CFAP54: variants seen among roughly 807,000 people sequenced by gnomAD.
The protein encoded by CFAP54 is cilia- and flagella-associated protein 54.
Under a neutral mutation model 370.4 loss-of-function variants are expected in CFAP54, and 290 were observed. That is an observed-to-expected ratio of 0.78 (90% confidence interval 0.71 to 0.86). CFAP54 has a LOEUF of 0.86. Among genes scored for constraint, CFAP54 ranks in the 40% least tolerant of loss-of-function variants. The pLI, the probability that CFAP54 is intolerant of heterozygous loss-of-function variation, is 0.00. For missense variants in CFAP54, 3,399 were observed against 3,528.7 expected, an observed-to-expected ratio of 0.96 and a Z score of 0.93; for synonymous variants, 1,206 against 1,236.5, an observed-to-expected ratio of 0.98 and a Z score of 0.52.
At chr12:96,811,013 C>T (rs1011722649) in intron 63 of CFAP54, among the ~76,000 whole-genome samples, 9 of 152,108 alleles carry the variant, frequency 5.9e-5, no homozygotes, top group Admixed American at 3.9e-4. Flanking sequence ...GGCCTTCTAA[C>T]GTCCTTTGTT....
rs1427931920 is a variant in CFAP54, at chr12:96,826,776, T to G, written c.9097-2238T>G. Reference sequence around the variant, plus strand: ...TAATACATATTAATATATTATATAATATATAATTATAAATAATATATAATT... The same window carrying G: ...TAATACATATTAATATATTATATAAGATATAATTATAAATAATATATAATT... On this transcript the variant is annotated intron_variant, in intron 65 of 67. Coordinates refer to ENST00000524981, the MANE Select transcript of CFAP54 (RefSeq NM_001306084.2). Among the ~76,000 whole-genome samples the G allele has an allele frequency of 5.4e-5, 6 of 112,018 alleles. No homozygotes were observed. The East Asian group carries it at 1.4e-3, about 26-fold the overall frequency. The allele number at this position is 112,018 out of a possible 152,430, so 73.5% of individuals were successfully genotyped here.
At chr12:96,729,386 G>A (rs922348392) in intron 50 of CFAP54, among the ~76,000 whole-genome samples, 5 of 152,234 alleles carry the variant, frequency 3.3e-5, no homozygotes, top group African/African-American at 7.2e-5. Context: ...GGGCAATGGC[G>A]GGCGCCCCTC....
intron 17 of CFAP54, among the ~76,000 whole-genome samples, chr12:96,564,041 G>A (rs1955840368): frequency 6.6e-6 from 1 of 152,140 alleles, no homozygotes; most frequent in Non-Finnish European, 1.5e-5. Context: ...GTCTTCGTGT[G>A]TTACCCAGAG....
At chr12:96,590,183 CAGGGAAAGG>C (rs1956111657) in intron 23 of CFAP54, among the ~76,000 whole-genome samples, 1 of 152,062 alleles carries the variant, frequency 6.6e-6, no homozygotes, top group Admixed American at 6.5e-5. Flanking sequence ...ACTTTTATAC[CAGGGAAAGG>C]TCAAATTGGG....
At chr12:96,610,807 G>A (rs1956349974) in intron 26 of CFAP54, among the ~76,000 whole-genome samples, 1 of 152,228 alleles carries the variant, frequency 6.6e-6, no homozygotes, top group Non-Finnish European at 1.5e-5. Flanking sequence ...AGCAGTCTGA[G>A]ACCGAGCTGC....
intron 62 of CFAP54, among the ~76,000 whole-genome samples, chr12:96,789,806 T>C (rs1417363183): frequency 6.6e-6 from 1 of 152,202 alleles, no homozygotes; most frequent in African/African-American, 2.4e-5. Context: ...CTGGAGATCA[T>C]TGTCTCTTGC....
rs1454073336 is a variant in CFAP54, at chr12:96,625,756, T to G, written c.3925T>G (p.Phe1309Val). 4 of 1,535,776 alleles carry G rather than the reference T, an allele frequency of 2.6e-6. No homozygotes were observed. Among genetic ancestry groups the G allele is most frequent in the Non-Finnish European group, 3.5e-6 (4 of 1,146,758 alleles). Reference protein sequence around the residue: ...SELSGGEDPIFLYPVVLNWSV... With the variant: ...SELSGGEDPIVLYPVVLNWSV... ...ACTCTCAGGAGGAGAGGACCCTATA[T>G]TTCTTTATCCTGTAGTTTTGAATTG... The change falls in exon 29 of 68, where the codon TTT becomes GTT. Residue 1309 changes from phenylalanine (F) to valine (V), a missense_variant. Phe to Val is a conservative substitution (Grantham distance 50). Transcript: ENST00000524981.
chr12:96,554,542 C>G (rs1454191131), intron 16 of CFAP54, 134 bp from the exon 17 acceptor site: 10 of 1,095,496 alleles, frequency 9.1e-6, no homozygotes, highest in Non-Finnish European at 1.1e-5. Flanking sequence ...AAGCAAACTG[C>G]AAAGGGCTGA....
At chr12:96,594,047 A>G (rs1452169643) in intron 24 of CFAP54, among the ~76,000 whole-genome samples, 1 of 152,144 alleles carries the variant, frequency 6.6e-6, no homozygotes, top group Non-Finnish European at 1.5e-5. Context: ...TTGATAAAAA[A>G]ACTGGTTTCT....
At chr12:96,792,597 A>G in intron 63 of CFAP54, 98 bp downstream of exon 63, 1 of 842,720 alleles carries the variant, frequency 1.2e-6, no homozygotes, top group East Asian at 2.7e-5. Context: ...CTTATCATAT[A>G]GATGAGAACA....
intron 9 of CFAP54, 80 bp downstream of exon 9, chr12:96,527,524 A>C: frequency 1.2e-6 from 1 of 829,090 alleles, no homozygotes; most frequent in Non-Finnish European, 1.7e-6. Flanking sequence ...TAGTCCATAC[A>C]TAGGAAACTG....
In CFAP54 at chr12:96,505,113, GAGTGC is replaced by G. The variant is rs541790747; in HGVS notation, c.567+1089_567+1093del. Among the ~76,000 whole-genome samples, 3 of 148,832 alleles carry G rather than the reference GAGTGC, an allele frequency of 2.0e-5. No individual in the cohort carries two copies. In the Admixed American group the frequency reaches 2.0e-4, roughly 10 times the overall value. On this transcript the variant is annotated intron_variant, in intron 3 of 67. Coordinates refer to ENST00000524981, the MANE Select transcript of CFAP54 (RefSeq NM_001306084.2). ...GAGTCTTGTTCTGTTGCCCAGGCTG[GAGTGC>G]AGTGGCATGATCTCAGTTCACTGCA...
intron 66 of CFAP54, among the ~76,000 whole-genome samples, chr12:96,830,791 G>T (rs1959168251): frequency 6.6e-6 from 1 of 152,184 alleles, no homozygotes; most frequent in East Asian, 1.9e-4. Flanking sequence ...TGATTCTCCT[G>T]CCTCAGCCTC....
chr12:96,832,051 T>C (rs981630729), intron 66 of CFAP54, among the ~76,000 whole-genome samples: 2 of 152,124 alleles, frequency 1.3e-5, no homozygotes, highest in Admixed American at 6.6e-5. Context: ...TGGGAGGTAA[T>C]TGAATCATAG....
At chr12:96,723,635 A>G (rs1957786710) in intron 50 of CFAP54, among the ~76,000 whole-genome samples, 1 of 151,604 alleles carries the variant, frequency 6.6e-6, no homozygotes, top group Non-Finnish European at 1.5e-5. Flanking sequence ...GAAGAGAGAA[A>G]CTGGAGCCCA....
chr12:96,862,776 G>A (rs57386210), intron 67 of CFAP54, among the ~76,000 whole-genome samples: 14,262 of 152,234 alleles, frequency 0.094, 1,917 homozygotes, highest in African/African-American at 0.3. Flanking sequence ...ATGTGAAGAT[G>A]GCTTCTGAGT....
chr12:96,576,485 T>A (rs147082219), intron 19 of CFAP54, 100 bp from the exon 20 acceptor site: 38 of 913,206 alleles, frequency 4.2e-5, no homozygotes, highest in Non-Finnish European at 5.5e-5. Flanking sequence ...AAAAACTGCA[T>A]ATAAAAATAT....
chr12:96,716,385 T>C (rs1331152891), intron 48 of CFAP54, among the ~76,000 whole-genome samples: 1 of 152,220 alleles, frequency 6.6e-6, no homozygotes, highest in Non-Finnish European at 1.5e-5. Context: ...GGATCTGCAT[T>C]TTGACAAAGC....
intron 8 of CFAP54, among the ~76,000 whole-genome samples, chr12:96,524,599 G>A (rs1216159687): frequency 6.6e-6 from 1 of 152,204 alleles, no homozygotes; most frequent in African/African-American, 2.4e-5. Flanking sequence ...GGAGAATAGA[G>A]AAAAACATTC....
Sources: gnomAD v4.1 joint callset for allele counts (sites outside exome capture counted in the v4.1 genomes callset) on GRCh38, gnomAD v4.1.1 for gene constraint, MANE v1.5 for transcripts, NCBI Gene and HGNC (gene_info 2026-07-23, HGNC 2026-07-21) for gene names.